The following KCNQ3 variants were observed in gnomAD, a reference collection of about 807,000 sequenced individuals.
KCNQ3 encodes potassium voltage-gated channel subfamily KQT member 3.
KCNQ3 carries 30 observed loss-of-function variants against 92.5 expected under a neutral mutation model. The ratio of observed to expected loss-of-function variants is 0.32; its 90% confidence interval spans 0.24 to 0.44. The LOEUF is 0.44. KCNQ3 is among the 20% of genes least tolerant of loss of function. The probability of loss-of-function intolerance (pLI) is 1.00; values close to 1 mark genes in which losing one functional copy is unlikely to be tolerated. For synonymous variants in KCNQ3, 450 were observed against 468.8 expected, an observed-to-expected ratio of 0.96 and a Z score of 0.52; for missense variants, 913 against 1,140.3, an observed-to-expected ratio of 0.80 and a Z score of 2.87.
intron 1 of KCNQ3, among the ~76,000 whole-genome samples, chr8:132,400,602 G>T (rs1289128026): frequency 6.6e-6 from 1 of 152,238 alleles, no homozygotes; most frequent in African/African-American, 2.4e-5. Flanking sequence ...TTCTGAGGAA[G>T]CCCACGTGGG....
intron 1 of KCNQ3, among the ~76,000 whole-genome samples, chr8:132,320,545 A>G (rs911011831): frequency 1.3e-5 from 2 of 152,078 alleles, no homozygotes; most frequent in Non-Finnish European, 2.9e-5. Flanking sequence ...AAATGTTCCC[A>G]AATTCTTTGT....
At chr8:132,149,226 G>C (rs1825557235) in intron 9 of KCNQ3, among the ~76,000 whole-genome samples, 1 of 152,230 alleles carries the variant, frequency 6.6e-6, no homozygotes, top group Admixed American at 6.5e-5. Flanking sequence ...TCTCTAACAG[G>C]CCTGTGCACT....
intron 1 of KCNQ3, among the ~76,000 whole-genome samples, chr8:132,207,030 C>T (rs1813681723): frequency 6.6e-6 from 1 of 152,184 alleles, no homozygotes; most frequent in South Asian, 2.1e-4. Context: ...GACATCAGTG[C>T]TCTAAAATAT....
At chr8:132,459,611 C>T (rs188140016) in intron 1 of KCNQ3, among the ~76,000 whole-genome samples, 40 of 152,238 alleles carry the variant, frequency 2.6e-4, no homozygotes, top group Middle Eastern at 3.4e-3. Flanking sequence ...TCCCATTAGG[C>T]CCCTACTTTC....
At chr8:132,179,981 G>T (rs1826700545) in intron 4 of KCNQ3, among the ~76,000 whole-genome samples, 176 bp downstream of exon 4, 1 of 152,042 alleles carries the variant, frequency 6.6e-6, no homozygotes, top group Non-Finnish European at 1.5e-5. Context: ...ACCTGCTCCT[G>T]CCCCTACCCC....
Position 132,241,796 on chromosome 8 carries a change from T to C in KCNQ3, c.387-55615A>G, listed in dbSNP as rs183335602. ...TTGCAGTGAGCTGAGATGGTGCCAC[T>C]GCACTCCAGCCTGGGCGACAAGAGC... On this transcript the variant is annotated intron_variant, in intron 1 of 14. Transcript: ENST00000388996. Among the ~76,000 whole-genome samples, 59 of 152,026 alleles carry C rather than the reference T, an allele frequency of 3.9e-4. No homozygotes were observed. The East Asian group carries it at 0.01, about 27-fold the overall frequency.
intron 8 of KCNQ3, among the ~76,000 whole-genome samples, chr8:132,165,413 G>A (rs754375643): frequency 6.6e-6 from 1 of 152,096 alleles, no homozygotes; most frequent in Non-Finnish European, 1.5e-5. Context: ...TGAATAAAAG[G>A]GTTTTAACAA....
At chr8:132,217,304 T>C (rs557354695) in intron 1 of KCNQ3, among the ~76,000 whole-genome samples, 1 of 152,310 alleles carries the variant, frequency 6.6e-6, no homozygotes, top group East Asian at 1.9e-4. Context: ...TCATTCAACA[T>C]TTTATTGATT....
chr8:132,140,463 G>C (rs1389811444), intron 10 of KCNQ3: 5 of 399,170 alleles, frequency 1.3e-5, no homozygotes, highest in Non-Finnish European at 2.3e-5. Context: ...CAGTTCCAGA[G>C]TGGCCCCCAG....
intron 1 of KCNQ3, among the ~76,000 whole-genome samples, chr8:132,388,245 T>C (rs533727854): frequency 6.6e-6 from 1 of 152,340 alleles, no homozygotes; most frequent in African/African-American, 2.4e-5. Flanking sequence ...CTCGTTAAAT[T>C]TTAAATGGAC....
At chr8:132,189,914 A>C (rs1586816276) in intron 1 of KCNQ3, among the ~76,000 whole-genome samples, 1 of 138,582 alleles carries the variant, frequency 7.2e-6, no homozygotes, top group African/African-American at 2.7e-5. Context: ...AAAAAGAGAG[A>C]GAGAGAGAGA....
Position 132,480,293 on chromosome 8 carries a change from C to T in KCNQ3, c.240G>A (p.Arg80=), listed in dbSNP as rs587781012. Residue 80 remains arginine, a synonymous_variant, in exon 1 of 15, where the codon AGG becomes AGA. Coordinates refer to ENST00000388996, the MANE Select transcript of KCNQ3 (RefSeq NM_004519.4). ...CCAGGAGCCCGATGCCCTGCGGGGT[C>T]CTCCGCTGCCCCTCGTCGCGGCCGC... The part of the protein sequence containing the change: ...EGGGRDEGQR[R]TPQGIGLLAK... 2.5e-6 allele frequency: 4 copies of T among 1,606,642 alleles called. No individual in the cohort carries two copies. The highest frequency in any genetic ancestry group is 3.4e-6 in the Non-Finnish European group (4 of 1,176,532).
At chr8:132,215,318 T>A (rs181979159) in intron 1 of KCNQ3, among the ~76,000 whole-genome samples, 1 of 152,328 alleles carries the variant, frequency 6.6e-6, no homozygotes, top group African/African-American at 2.4e-5. Flanking sequence ...TAATTCTAAG[T>A]GTATGGAAGA....
chr8:132,376,974 C>A (rs1381072860), intron 1 of KCNQ3, among the ~76,000 whole-genome samples: 1 of 152,156 alleles, frequency 6.6e-6, no homozygotes, highest in Non-Finnish European at 1.5e-5. Flanking sequence ...AATAAGGACA[C>A]AACGAAGGAG....
intron 14 of KCNQ3, among the ~76,000 whole-genome samples, chr8:132,131,626 C>A (rs1423822309): frequency 6.6e-6 from 1 of 152,158 alleles, no homozygotes; most frequent in African/African-American, 2.4e-5. Flanking sequence ...CTCACAGCAA[C>A]CTAATAGGGT....
chr8:132,455,451 TA>T (rs1390379385), intron 1 of KCNQ3, among the ~76,000 whole-genome samples: 1 of 152,060 alleles, frequency 6.6e-6, no homozygotes, highest in Non-Finnish European at 1.5e-5. Context: ...TTACTACAAT[TA>T]AAAAATATTG....
rs1825234786 is a variant in KCNQ3 at position 132,140,072 on chromosome 8, T to C, written c.1568+4A>G. The C allele has an allele frequency of 6.3e-7, 1 of 1,586,616 alleles. No individual in the cohort carries two copies. Among genetic ancestry groups the C allele is most frequent in the Non-Finnish European group, 8.6e-7 (1 of 1,165,848 alleles). Reference sequence around the variant, plus strand: ...AGGCACAGGTGGGACCGTGGGGGCATTACCTGACGGCTCGGATGGCGGCCT... The same window carrying C: ...AGGCACAGGTGGGACCGTGGGGGCACTACCTGACGGCTCGGATGGCGGCCT... On this transcript the variant is annotated splice_donor_region_variant and intron_variant, in intron 11 of 14. Transcript: ENST00000388996.
intron 1 of KCNQ3, among the ~76,000 whole-genome samples, chr8:132,236,563 G>A (rs1304438862): frequency 6.6e-6 from 1 of 152,166 alleles, no homozygotes; most frequent in Non-Finnish European, 1.5e-5. Context: ...ATGCTCGGAA[G>A]TTCACCTAAG....
chr8:132,452,111 T>G (rs968871756), intron 1 of KCNQ3, among the ~76,000 whole-genome samples: 1 of 152,210 alleles, frequency 6.6e-6, no homozygotes, highest in African/African-American at 2.4e-5. Flanking sequence ...TTTTATCATT[T>G]TAACCATTTT....
Sources: gnomAD v4.1 joint callset for allele counts (sites outside exome capture counted in the v4.1 genomes callset) on GRCh38, gnomAD v4.1.1 for gene constraint, MANE v1.5 for transcripts, NCBI Gene and HGNC (gene_info 2026-07-23, HGNC 2026-07-21) for gene names.